The following ABCA5 variants were observed in gnomAD, a reference collection of about 807,000 sequenced individuals.
ABCA5 encodes cholesterol transporter ABCA5.
A neutral mutation model predicts 206.0 loss-of-function variants in ABCA5; 163 were observed. The ratio of observed to expected loss-of-function variants is 0.79; its 90% CI spans 0.70 to 0.90. The LOEUF is 0.90. Among genes scored for constraint, ABCA5 ranks in the 40% least tolerant of loss-of-function variants. The pLI, the probability that ABCA5 is intolerant of heterozygous loss-of-function variation, is 0.00. For missense variants in ABCA5, 1,859 were observed against 1,912.9 expected (o/e 0.97, Z 0.53); for synonymous variants, 609 against 613.8 (o/e 0.99, Z 0.11).
chr17:69,307,404 A>AT (rs2075729004), intron 5 of ABCA5, among the ~76,000 whole-genome samples: 1 of 152,168 alleles, frequency 6.6e-6, no homozygotes, highest in Middle Eastern at 3.4e-3. Flanking sequence ...TTTAGCACAT[A>AT]TAGACCAAAT....
intron 8 of ABCA5, 100 bp from the exon 9 acceptor site, chr17:69,301,386 A>T: frequency 1.1e-6 from 1 of 880,948 alleles, no homozygotes; most frequent in Non-Finnish European, 1.6e-6. Flanking sequence ...AGTGATAGTA[A>T]CCAACTGGGC....
intron 24 of ABCA5, among the ~76,000 whole-genome samples, chr17:69,262,216 A>G (rs2075156390): frequency 6.6e-6 from 1 of 152,070 alleles, no homozygotes; most frequent in Non-Finnish European, 1.5e-5. Context: ...ATTTTAAGCT[A>G]TATTTTATTT....
chr17:69,245,201 A>T lies in ABCA5; in HGVS notation c.*2336T>A, dbSNP rs1044655853. 2.0e-5 allele frequency: 3 copies of T among 151,926 alleles called. No homozygotes were observed. The highest frequency in any genetic ancestry group is 4.4e-5 in the Non-Finnish European group (3 of 67,840). The allele number at this position is 151,926 out of a possible 1,614,324, so 9.4% of individuals were successfully genotyped here. On this transcript the variant is annotated 3_prime_UTR_variant, in exon 39 of 39. Transcript: ENST00000392676. ...AACTAGAAAAAAAAATTAAGAGCCC[A>T]CAAAAGTAAGATGTAAAGTACACTC...
At position 69,309,377 on chromosome 17, in the gene ABCA5, G is replaced by A. The variant is rs757188767; in HGVS notation, c.354C>T (p.Ser118=). 8.5e-5 allele frequency: 136 copies of A among 1,598,734 alleles called. No homozygotes were observed. Among genetic ancestry groups the A allele is most frequent in the Non-Finnish European group, 1.1e-4 (129 of 1,174,956 alleles). ...EYTNEKEMLT[S]SLSKPSNFVG... ...CAAAGTTGCTCGGCTTAGAGAGACT[G>A]GATGTTAACATTTCTTTTTCATTTG... Residue 118 remains serine, a synonymous_variant, in exon 4 of 39, where the codon TCC becomes TCT. Transcript: ENST00000392676.
rs138683278 is a variant in ABCA5, at chr17:69,310,528, T to C, written c.308-1105A>G. 2.4e-3 allele frequency among the ~76,000 whole-genome samples: 358 copies of C among 152,334 alleles called. 6 individuals are homozygous for C. The highest frequency in any genetic ancestry group is 8.1e-3 in the African/African-American group (335 of 41,586). ...TCCACAATCCTTCTCAGAAACTAAA[T>C]AGGCATTTTAGTAACTATGACACAA... On this transcript the variant is annotated intron_variant, in intron 3 of 38. Transcript: ENST00000392676.
chr17:69,277,564 TA>T, intron 19 of ABCA5, 76 bp downstream of exon 19: 1 of 1,162,378 alleles, frequency 8.6e-7, no homozygotes, highest in Non-Finnish European at 1.2e-6. Context: ...GTTAACATTT[TA>T]AAAATTAAGA....
At chr17:69,284,556 T>C (rs186899155) in intron 17 of ABCA5, among the ~76,000 whole-genome samples, 35 of 150,288 alleles carry the variant, frequency 2.3e-4, no homozygotes, top group African/African-American at 8.8e-4. Flanking sequence ...TAAATACTTA[T>C]TCATCTTTTA....
intron 24 of ABCA5, among the ~76,000 whole-genome samples, chr17:69,264,370 ATATT>A (rs1389380421): frequency 6.6e-6 from 1 of 152,168 alleles, no homozygotes; most frequent in East Asian, 1.9e-4. Flanking sequence ...ATGTTAAGCT[ATATT>A]TTAAACTATG....
chr17:69,262,987 G>A (rs1228866865), intron 24 of ABCA5, among the ~76,000 whole-genome samples: 1 of 152,184 alleles, frequency 6.6e-6, no homozygotes, highest in African/African-American at 2.4e-5. Flanking sequence ...CTGATGATTA[G>A]TGATGTAGAG....
chr17:69,277,281 C>T (rs1285845574), intron 19 of ABCA5, among the ~76,000 whole-genome samples: 3 of 151,948 alleles, frequency 2.0e-5, no homozygotes, highest in African/African-American at 7.3e-5. Flanking sequence ...AAACGCAAAA[C>T]AAAATTTAAG....
At chr17:69,300,186 G>A (rs1189513050) in intron 9 of ABCA5, among the ~76,000 whole-genome samples, 1 of 152,198 alleles carries the variant, frequency 6.6e-6, no homozygotes, top group African/African-American at 2.4e-5. Context: ...GGGAGACAGT[G>A]ACAGATCATC....
At chr17:69,313,044 G>T in intron 3 of ABCA5, 48 bp downstream of exon 3, 2 of 1,286,398 alleles carry the variant, frequency 1.6e-6, no homozygotes, top group South Asian at 3.8e-5. Context: ...GATAAATATT[G>T]AAAAGGCTTA....
chr17:69,300,861 C>G (rs184562358), intron 9 of ABCA5, among the ~76,000 whole-genome samples: 31 of 152,076 alleles, frequency 2.0e-4, no homozygotes, highest in Admixed American at 2.0e-3. Context: ...TAAAATACTT[C>G]AATTAAAAAA....
intron 19 of ABCA5, among the ~76,000 whole-genome samples, chr17:69,276,581 A>T (rs989393299): frequency 3.9e-5 from 6 of 152,126 alleles, no homozygotes; most frequent in African/African-American, 1.2e-4. Context: ...ACATGTTCTC[A>T]CTCATAAGTG....
intron 12 of ABCA5, 34 bp downstream of exon 12, chr17:69,291,182 T>A: frequency 7.3e-7 from 1 of 1,368,834 alleles, no homozygotes; most frequent in African/African-American, 1.5e-5. Context: ...ATATATATAA[T>A]GAAGTTTTTT....
intron 7 of ABCA5, among the ~76,000 whole-genome samples, chr17:69,303,617 G>A (rs1166612090): frequency 7.1e-6 from 1 of 140,202 alleles, no homozygotes; most frequent in Non-Finnish European, 1.5e-5. Flanking sequence ...AAAAAAAACA[G>A]TTTAAAAAGA....
Position 69,297,375 on chromosome 17 carries a change from TA to T in ABCA5, c.1268-17del, listed in dbSNP as rs1567773944. 1 of 1,575,504 alleles carries T rather than the reference TA, an allele frequency of 6.3e-7. No homozygotes were observed. Among genetic ancestry groups the T allele is most frequent in the Non-Finnish European group, 8.6e-7 (1 of 1,167,986 alleles). On this transcript the variant is annotated splice_polypyrimidine_tract_variant and intron_variant, in intron 9 of 38. Coordinates refer to ENST00000392676, the MANE Select transcript of ABCA5 (RefSeq NM_172232.4). Reference sequence around the variant, plus strand: ...CCAAATTCCCCTGAAAAATAAACATTAAAAAACTGAGTTACCATAATTAGTT... The same window carrying T: ...CCAAATTCCCCTGAAAAATAAACATTAAAAACTGAGTTACCATAATTAGTT...
chr17:69,297,406 A>C (rs1223202599), intron 9 of ABCA5, 47 bp from the exon 10 acceptor site: 1 of 1,526,210 alleles, frequency 6.6e-7, no homozygotes, highest in Admixed American at 2.2e-5. Context: ...TTAGTTTTTA[A>C]ATCATAAAGA....
intron 35 of ABCA5, 139 bp downstream of exon 35, chr17:69,251,606 AGT>A: frequency 8.7e-7 from 1 of 1,144,388 alleles, no homozygotes. Context: ...CATACTTCCA[AGT>A]CAATCTATCA....
Sources: allele counts gnomAD v4.1 joint callset (sites outside exome capture counted in the v4.1 genomes callset), GRCh38; gene constraint gnomAD v4.1.1; transcripts MANE v1.5; gene names NCBI Gene and HGNC (gene_info 2026-07-23, HGNC 2026-07-21).